Variants in FANCA observed in about 807,000 individuals in gnomAD.
FANCA encodes the protein FA complementation group A.
In FANCA, 236 loss-of-function variants were observed where a neutral mutation model predicts 194.3. That is an observed-to-expected ratio of 1.21 (90% CI 1.09 to 1.35). The LOEUF is 1.35. Among genes scored for constraint, FANCA ranks in the 40% most tolerant of loss-of-function variants. FANCA has a pLI of 0.00. For synonymous variants in FANCA, 1,014 were observed against 715.8 expected, an observed-to-expected ratio of 1.42 and a Z score of -6.65; for missense variants, 2,628 against 1,813.9, an observed-to-expected ratio of 1.45 and a Z score of -8.15.
rs1393679246 is a variant in FANCA at position 89,752,206 on chromosome 16, G to A, written c.2998C>T (p.His1000Tyr). 3 of 1,613,686 alleles carry A rather than the reference G, an allele frequency of 1.9e-6. No individual in the cohort carries two copies. Among genetic ancestry groups the A allele is most frequent in the Non-Finnish European group, 2.5e-6 (3 of 1,179,662 alleles). The change falls in exon 31 of 43, where the codon CAC (histidine) becomes TAC (tyrosine). Residue 1000 changes from histidine (H) to tyrosine (Y), a missense_variant. Transcript: ENST00000389301. ...AAGACCAAATCAGAATTTTCTGAGT[G>A]GTCATAACTCCTTGAGCTGAAATGA... is the stretch of plus-strand genomic sequence containing the variant. ...DFHQSSRSYD[H>Y]SENSDLVFGG...
chr16:89,780,941 A>AC (rs2039678791), intron 17 of FANCA, among the ~76,000 whole-genome samples: 4 of 152,152 alleles, frequency 2.6e-5, no homozygotes, highest in Admixed American at 2.6e-4. Flanking sequence ...AAAAAAAAAA[A>AC]AAAGTAATTT....
chr16:89,812,323 G>A (rs184939350), intron 3 of FANCA, among the ~76,000 whole-genome samples: 8 of 150,850 alleles, frequency 5.3e-5, no homozygotes, highest in African/African-American at 1.7e-4. Flanking sequence ...GGGCGACAGA[G>A]CCAGACTTCA....
intron 20 of FANCA, among the ~76,000 whole-genome samples, chr16:89,777,964 C>T (rs1309428147): frequency 6.6e-6 from 1 of 151,964 alleles, no homozygotes; most frequent in Non-Finnish European, 1.5e-5. Context: ...GAGTTCAAGA[C>T]CAGCCTGACT....
chr16:89,762,574 A>G (rs977846869), intron 28 of FANCA: 6 of 222,586 alleles, frequency 2.7e-5, no homozygotes, highest in Non-Finnish European at 5.6e-5. Context: ...AAAAGGAAAA[A>G]AAAAAAAAAG....
chr16:89,744,616 G>C (rs1328948056), intron 36 of FANCA: 1 of 368,204 alleles, frequency 2.7e-6, no homozygotes, highest in Non-Finnish European at 5.3e-6. Context: ...ACTCAGACGG[G>C]AGCCTGGGAG....
chr16:89,752,829 G>A (rs2038642808), intron 30 of FANCA, among the ~76,000 whole-genome samples: 1 of 152,156 alleles, frequency 6.6e-6, no homozygotes, highest in South Asian at 2.1e-4. Context: ...GTGGTCCAGC[G>A]GTAGCAAAAG....
chr16:89,775,651 C>G lies in FANCA; in HGVS notation c.1900+91G>C. The G allele has an allele frequency of 5.6e-6, 6 of 1,068,434 alleles. No individual in the cohort carries two copies. The South Asian group carries it at 6.7e-5, about 12-fold the overall frequency. The allele number at this position is 1,068,434 out of a possible 1,614,324, so 66.2% of individuals were successfully genotyped here. A position where few individuals can be genotyped will look rare whatever the true frequency, so the allele number is the denominator to read the frequency against. On this transcript the variant is annotated intron_variant, in intron 21 of 42. Coordinates refer to ENST00000389301, the MANE Select transcript of FANCA (RefSeq NM_000135.4). ...TTGAGCTGGCACAGCCACCCCCGAG[C>G]TCACTCGGGTGGTGTAGCACAACAG...
At chr16:89,805,894 C>T (rs1372697157) in intron 6 of FANCA, among the ~76,000 whole-genome samples, 1 of 151,652 alleles carries the variant, frequency 6.6e-6, no homozygotes, top group African/African-American at 2.4e-5. Flanking sequence ...AAATTTATTC[C>T]TCTTTGTTTT....
rs1160883195 is a variant in FANCA, at chr16:89,795,906, C to G, written c.1006G>C (p.Ala336Pro). 6.2e-7 allele frequency: 1 copy of G among 1,612,238 alleles called. No homozygotes were observed. The highest frequency in any genetic ancestry group is 8.5e-7 in the Non-Finnish European group (1 of 1,178,242). The change falls in exon 11 of 43, where the codon GCA becomes CCA. Residue 336 changes from alanine (A) to proline (P), a missense_variant and splice_region_variant. Coordinates refer to ENST00000389301, the MANE Select transcript of FANCA (RefSeq NM_000135.4). ...QILTHSPVLK[A>P]SDAVQMQREW... ...TGAGCAGCCTCCACACTGGGCCTAC[C>G]TTTCAGCACAGGGCTGTGAGTGAGT...
At chr16:89,799,485 A>T in intron 9 of FANCA, 120 bp downstream of exon 9, 5 of 1,072,822 alleles carry the variant, frequency 4.7e-6, no homozygotes, top group Non-Finnish European at 7.2e-6. Flanking sequence ...CAGTACCAGG[A>T]CTCTGCACAG....
At chr16:89,809,760 G>T (rs1027982172) in intron 5 of FANCA, among the ~76,000 whole-genome samples, 1 of 152,116 alleles carries the variant, frequency 6.6e-6, no homozygotes, top group African/African-American at 2.4e-5. Context: ...GGCTGAGGCG[G>T]GAGAATGGCG....
chr16:89,803,081 C>CT (rs769432748), intron 8 of FANCA, among the ~76,000 whole-genome samples, 178 bp downstream of exon 8: 1 of 152,084 alleles, frequency 6.6e-6, no homozygotes, highest in Non-Finnish European at 1.5e-5. Context: ...CTGGAGGTGA[C>CT]GGAGACTCTA....
At chr16:89,814,693 AG>A in intron 2 of FANCA, 80 bp from the exon 3 acceptor site, 1 of 1,042,452 alleles carries the variant, frequency 9.6e-7, no homozygotes, top group Non-Finnish European at 1.5e-6. Flanking sequence ...CTGTAATCCC[AG>A]TACTTTGGGA....
chr16:89,743,969 C>G (rs2062189783), intron 36 of FANCA, among the ~76,000 whole-genome samples: 1 of 152,134 alleles, frequency 6.6e-6, no homozygotes, highest in African/African-American at 2.4e-5. Context: ...ATGATCTCGG[C>G]TCACTGCAAC....
rs755207440 is a variant in FANCA, at chr16:89,764,985, G to A, written c.2683C>T (p.Pro895Ser). The change falls in exon 28 of 43, where the codon CCC becomes TCC. Residue 895 changes from proline (P) to serine (S), a missense_variant. Physicochemically the swap from Pro to Ser is moderately conservative, Grantham distance 74. Coordinates refer to ENST00000389301, the MANE Select transcript of FANCA (RefSeq NM_000135.4). ...CAGTCTGCAGAAGGAAGGTGCAAGG[G>A]TCTCCAGGAAAGGCTGGCTACGTCC... ...EEDVASLSWRPLHLPSADWQR... is the reference protein window; with the variant it reads ...EEDVASLSWRSLHLPSADWQR... The A allele has an allele frequency of 6.2e-7, 1 of 1,614,234 alleles. No individual in the cohort carries two copies. The highest frequency in any genetic ancestry group is 8.5e-7 in the Non-Finnish European group (1 of 1,180,032).
At chr16:89,778,005 T>C (rs548862858) in intron 20 of FANCA, among the ~76,000 whole-genome samples, 32 of 151,916 alleles carry the variant, frequency 2.1e-4, no homozygotes, top group East Asian at 1.4e-3. Context: ...CTACTAAAAA[T>C]ACAAAAATTA....
At chr16:89,794,229 C>G (rs1431303534) in intron 11 of FANCA, among the ~76,000 whole-genome samples, 1 of 152,118 alleles carries the variant, frequency 6.6e-6, no homozygotes, top group Non-Finnish European at 1.5e-5. Flanking sequence ...TTCCAATGTA[C>G]CAACTGCATT....
At chr16:89,752,108 T>A in intron 31 of FANCA, 30 bp downstream of exon 31, 1 of 1,582,158 alleles carries the variant, frequency 6.3e-7, no homozygotes, top group Non-Finnish European at 8.7e-7. Flanking sequence ...ATGAAGTGAA[T>A]GCACTGAGTT....
intron 32 of FANCA, among the ~76,000 whole-genome samples, chr16:89,749,418 C>T (rs1204479497): frequency 1.3e-5 from 2 of 152,182 alleles, no homozygotes; most frequent in Non-Finnish European, 2.9e-5. Flanking sequence ...GTAGACATGG[C>T]GTTTCGCCAT....
Sources: allele counts gnomAD v4.1 joint callset (sites outside exome capture counted in the v4.1 genomes callset), GRCh38; gene constraint gnomAD v4.1.1; transcripts MANE v1.5; gene names NCBI Gene and HGNC (gene_info 2026-07-23, HGNC 2026-07-21).